Variants in SORCS2 observed in about 807,000 individuals in gnomAD.
SORCS2 encodes VPS10 domain-containing receptor SorCS2.
SORCS2 carries 100 observed loss-of-function variants against 141.6 expected under a neutral mutation model. That is an observed-to-expected ratio of 0.71 (90% CI 0.60 to 0.83). The LOEUF is 0.83. Ranked by LOEUF, SORCS2 falls within the 40% of genes least tolerant of loss-of-function variation. The probability of loss-of-function intolerance (pLI) is 0.00; values close to 1 mark genes in which losing one functional copy is unlikely to be tolerated. For missense variants in SORCS2, 1,646 were observed against 1,560.2 expected (o/e 1.05, Z -0.93); for synonymous variants, 789 against 676.9 (o/e 1.17, Z -2.57).
intron 3 of SORCS2, among the ~76,000 whole-genome samples, chr4:7,612,243 A>C (rs1718452435): frequency 6.6e-6 from 1 of 152,206 alleles, no homozygotes; most frequent in African/African-American, 2.4e-5. Flanking sequence ...CAGGAATCCA[A>C]AATGGCTTTT....
intron 2 of SORCS2, among the ~76,000 whole-genome samples, chr4:7,435,538 C>T (rs947018961): frequency 2.0e-5 from 3 of 152,212 alleles, no homozygotes; most frequent in Admixed American, 6.5e-5. Flanking sequence ...ACTGCCACAC[C>T]GCAAAAGCCA....
intron 11 of SORCS2, among the ~76,000 whole-genome samples, chr4:7,694,133 A>G (rs111415974): frequency 0.01 from 1,579 of 152,314 alleles, 35 homozygotes; most frequent in African/African-American, 0.036. Context: ...TTCTGGCTGC[A>G]GGGGCAGAGG....
At position 7,729,460 on chromosome 4, in the gene SORCS2, G is replaced by C. The variant is rs913744458; in HGVS notation, c.2983-127G>C. 5 of 1,265,448 alleles carry C rather than the reference G, an allele frequency of 4.0e-6. No individual in the cohort carries two copies. In the African/African-American group the frequency reaches 4.5e-5, roughly 11 times the overall value. The allele number at this position is 1,265,448 out of a possible 1,614,324, so 78.4% of individuals were successfully genotyped here. A position where few individuals can be genotyped will look rare whatever the true frequency, so the allele number is the denominator to read the frequency against. On this transcript the variant is annotated intron_variant, in intron 22 of 26. Transcript: ENST00000507866. ...CTGGAAGGATCCCCACGCCATGCAG[G>C]GGTCAGGAACGGCCTGTGAGACAGG...
chr4:7,454,693 G>T (rs1728750030), intron 2 of SORCS2, among the ~76,000 whole-genome samples: 1 of 117,890 alleles, frequency 8.5e-6, no homozygotes. Flanking sequence ...GCTCCGTGTT[G>T]GGGTCAGGCG....
intron 2 of SORCS2, among the ~76,000 whole-genome samples, chr4:7,511,548 G>T (rs1352516305): frequency 6.6e-6 from 1 of 151,978 alleles, no homozygotes; most frequent in East Asian, 1.9e-4. Flanking sequence ...GAGACAGAAG[G>T]CCCAGGGGTT....
intron 2 of SORCS2, among the ~76,000 whole-genome samples, chr4:7,530,026 A>C (rs1225373034): frequency 6.6e-6 from 1 of 152,192 alleles, no homozygotes; most frequent in Non-Finnish European, 1.5e-5. Flanking sequence ...TGTGAGGGAC[A>C]CACATTCTGG....
At chr4:7,306,034 C>T (rs1717801902) in intron 1 of SORCS2, among the ~76,000 whole-genome samples, 1 of 152,236 alleles carries the variant, frequency 6.6e-6, no homozygotes, top group Admixed American at 6.5e-5. Flanking sequence ...CCTGCAGTCA[C>T]TCCCTTCCTC....
chr4:7,594,543 C>T (rs1291019113), intron 3 of SORCS2, among the ~76,000 whole-genome samples: 2 of 152,096 alleles, frequency 1.3e-5, no homozygotes, highest in Admixed American at 6.6e-5. Context: ...TAGGATGGGA[C>T]CCACAGCAAA....
intron 3 of SORCS2, among the ~76,000 whole-genome samples, chr4:7,547,205 A>G (rs1713329529): frequency 1.3e-5 from 2 of 152,152 alleles, no homozygotes; most frequent in Non-Finnish European, 2.9e-5. Flanking sequence ...TGGACACCCA[A>G]GAGTCTTAAT....
chr4:7,424,330 C>T (rs1038185663), intron 2 of SORCS2, among the ~76,000 whole-genome samples: 2 of 152,214 alleles, frequency 1.3e-5, no homozygotes, highest in African/African-American at 4.8e-5. Flanking sequence ...CAGTGGCAGG[C>T]AGGAAGGACT....
At chr4:7,607,537 C>T (rs1007272841) in intron 3 of SORCS2, among the ~76,000 whole-genome samples, 1 of 152,156 alleles carries the variant, frequency 6.6e-6, no homozygotes, top group Non-Finnish European at 1.5e-5. Context: ...CCCATCTCAT[C>T]CTTACAACAG....
At position 7,436,431 on chromosome 4, in the gene SORCS2, C is replaced by T. The variant is rs145697485; in HGVS notation, c.548+40076C>T. 1.2e-3 allele frequency among the ~76,000 whole-genome samples: 183 copies of T among 152,380 alleles called. 1 individual carries two copies. Among genetic ancestry groups the T allele is most frequent in the African/African-American group, 4.2e-3 (175 of 41,600 alleles). Reference sequence around the variant, plus strand: ...AGAAGGGCCTGCCCCTTGGCGTGAACGCAGCTGTGTGCCAGACTTCCTGCG... The same window carrying T: ...AGAAGGGCCTGCCCCTTGGCGTGAATGCAGCTGTGTGCCAGACTTCCTGCG... On this transcript the variant is annotated intron_variant, in intron 2 of 26. Coordinates refer to ENST00000507866, the MANE Select transcript of SORCS2 (RefSeq NM_020777.3).
chr4:7,619,174 C>T (rs1407516976), intron 3 of SORCS2, among the ~76,000 whole-genome samples: 2 of 152,192 alleles, frequency 1.3e-5, no homozygotes, highest in Non-Finnish European at 2.9e-5. Flanking sequence ...AGACAAGATG[C>T]GTGTGCCACT....
intron 1 of SORCS2, among the ~76,000 whole-genome samples, chr4:7,365,016 T>C (rs572182817): frequency 5.9e-5 from 9 of 152,252 alleles, no homozygotes; most frequent in African/African-American, 1.4e-4. Flanking sequence ...CCCTGCCTCA[T>C]AGAGTTGCTG....
At chr4:7,594,262 G>T (rs767272192) in intron 3 of SORCS2, among the ~76,000 whole-genome samples, 1 of 152,196 alleles carries the variant, frequency 6.6e-6, no homozygotes, top group Non-Finnish European at 1.5e-5. Context: ...GCTGTGGCAG[G>T]TCCCGCGATC....
At chr4:7,497,551 C>T (rs939665446) in intron 2 of SORCS2, among the ~76,000 whole-genome samples, 5 of 152,250 alleles carry the variant, frequency 3.3e-5, no homozygotes, top group African/African-American at 9.6e-5. Flanking sequence ...CAAGTCACAC[C>T]GCCATTCCCA....
chr4:7,458,851 T>G (rs947047998), intron 2 of SORCS2, among the ~76,000 whole-genome samples: 1 of 151,932 alleles, frequency 6.6e-6, no homozygotes, highest in African/African-American at 2.4e-5. Flanking sequence ...CAATGCTTAA[T>G]GGAGCCCTAA....
rs572816656 is a variant in SORCS2 at position 7,333,574 on chromosome 4, T to G, written c.481-62714T>G. On this transcript the variant is annotated intron_variant, in intron 1 of 26. Coordinates refer to ENST00000507866, the MANE Select transcript of SORCS2 (RefSeq NM_020777.3). ...AGACTGATGTCCAGAGAGGGGCCAC[T>G]GGGTGCCCAGGGCCCTCGTCGTCCA... Among the ~76,000 whole-genome samples the G allele has an allele frequency of 7.2e-5, 11 of 152,046 alleles. 1 individual carries two copies. Among genetic ancestry groups the G allele is most frequent in the African/African-American group, 2.2e-4 (9 of 41,494 alleles).
intron 19 of SORCS2, among the ~76,000 whole-genome samples, chr4:7,724,147 C>CGTGGTGGTG (rs1184606330): frequency 9.0e-6 from 1 of 110,518 alleles, no homozygotes; most frequent in African/African-American, 3.9e-5. Context: ...TGGTGATGGT[C>CGTGGTGGTG]GTGGTGGTGG....
Sources: allele counts gnomAD v4.1 joint callset (sites outside exome capture counted in the v4.1 genomes callset), GRCh38; gene constraint gnomAD v4.1.1; transcripts MANE v1.5; gene names NCBI Gene and HGNC (gene_info 2026-07-23, HGNC 2026-07-21).